Variants in CX3CR1 observed in about 807,000 individuals in gnomAD.
CX3CR1 encodes CX3C chemokine receptor 1.
For synonymous variants in CX3CR1, 168 were observed against 178.5 expected, an observed-to-expected ratio of 0.94 and a Z score of 0.47; for missense variants, 363 against 432.4, an observed-to-expected ratio of 0.84 and a Z score of 1.42.
At position 39,266,175 on chromosome 3, in the gene CX3CR1, C is replaced by G. The variant is rs201442030; in HGVS notation, c.335G>C (p.Gly112Ala). Residue 112 changes from glycine (G) to alanine (A), a missense_variant, in exon 2 of 2, where the codon GGC becomes GCC. Gly to Ala is a moderately conservative substitution (Grantham distance 60, BLOSUM62 0). Transcript: ENST00000399220. ...CKFTTAFFFI[G>A]FFGSIFFITV... ...GATGAAGAATATGCTTCCAAAAAAG[C>G]CGATGAAGAAGAAGGCGGTAGTGAA... 162 of 1,614,134 alleles carry G rather than the reference C, an allele frequency of 1.0e-4. No individual in the cohort carries two copies. In the East Asian group the frequency reaches 2.5e-3, roughly 25 times the overall value.
At chr3:39,280,533 G>A (rs2040883936), upstream of CX3CR1, 12 of 934,536 alleles carry the variant, frequency 1.3e-5, no homozygotes, top group Non-Finnish European at 1.5e-5. Flanking sequence ...GAAATTCTTA[G>A]AAGAGTGATA....
chr3:39,264,435 T>A lies in CX3CR1; in HGVS notation c.*1007A>T, dbSNP rs2040665544. ...TTGTCCCAAGCTACTGGAGTTGGGGTTGGAATCCATCCCTTCTTATTTGGG... is the reference window on the plus strand; with the variant it reads ...TTGTCCCAAGCTACTGGAGTTGGGGATGGAATCCATCCCTTCTTATTTGGG... On this transcript the variant is annotated 3_prime_UTR_variant, in exon 2 of 2. Coordinates refer to ENST00000399220, the MANE Select transcript of CX3CR1 (RefSeq NM_001337.4). The A allele has an allele frequency of 6.6e-6, 1 of 152,388 alleles. No homozygotes were observed. The highest frequency in any genetic ancestry group is 2.4e-5 in the African/African-American group (1 of 41,448). 9.4% of individuals were successfully genotyped at this position (152,388 alleles called of 1,614,324 possible). A position where few individuals can be genotyped will look rare whatever the true frequency, so the allele number is the denominator to read the frequency against.
upstream of CX3CR1, chr3:39,281,078 C>T: frequency 1.0e-6 from 1 of 992,590 alleles, no homozygotes; most frequent in Non-Finnish European, 1.2e-6. Context: ...ACAGCGGGTG[C>T]TCTGTGTGCT....
chr3:39,266,750 C>A, intron 1 of CX3CR1: 2 of 734,814 alleles, frequency 2.7e-6, no homozygotes, highest in Non-Finnish European at 5.0e-6. Flanking sequence ...TGCCCAAAGC[C>A]ATGCAGTAAA....
chr3:39,279,897 T>C, intron 1 of CX3CR1, 57 bp downstream of exon 1: 1 of 788,442 alleles, frequency 1.3e-6, no homozygotes, highest in South Asian at 5.7e-5. Flanking sequence ...TATTAACCTA[T>C]TAGCTGTCCA....
chr3:39,281,413 G>A (rs1019178502), upstream of CX3CR1: 6 of 710,518 alleles, frequency 8.4e-6, no homozygotes, highest in South Asian at 7.7e-5. Context: ...CTCCTCTTCT[G>A]AGGGCTCCTT....
At chr3:39,277,706 G>A (rs6796033) in intron 1 of CX3CR1, among the ~76,000 whole-genome samples, 83,847 of 152,018 alleles carry the variant, frequency 0.55, 23,641 homozygotes, top group East Asian at 0.82. Flanking sequence ...GGCCGGGCAG[G>A]CTTCCTCCTG....
At chr3:39,278,532 T>C (rs2040862698) in intron 1 of CX3CR1, among the ~76,000 whole-genome samples, 1 of 152,060 alleles carries the variant, frequency 6.6e-6, no homozygotes, top group Non-Finnish European at 1.5e-5. Context: ...TGGGATGCCC[T>C]GAGCAATGCA....
intron 1 of CX3CR1, 141 bp downstream of exon 1, chr3:39,279,813 C>T: frequency 5.1e-6 from 1 of 196,768 alleles, no homozygotes; most frequent in Non-Finnish European, 9.2e-6. Context: ...ACTCTTCCAT[C>T]CCCTTGGACA....
chr3:39,281,772 C>A, upstream of CX3CR1: 3 of 1,095,588 alleles, frequency 2.7e-6, no homozygotes, highest in South Asian at 2.7e-5. Flanking sequence ...ACTTCCACTT[C>A]CCCCAACATG....
upstream of CX3CR1, chr3:39,280,102 G>T: frequency 1.0e-6 from 1 of 973,132 alleles, no homozygotes. Context: ...TTCCTGTAAG[G>T]GAGACTATCT....
chr3:39,285,378 TA>T (rs2040936880), upstream of CX3CR1, among the ~76,000 whole-genome samples: 1 of 152,074 alleles, frequency 6.6e-6, no homozygotes, highest in African/African-American at 2.4e-5. Flanking sequence ...CTCCAACTCT[TA>T]AAAGAAAAGA....
upstream of CX3CR1, among the ~76,000 whole-genome samples, chr3:39,283,723 T>G (rs1213883520): frequency 7.0e-6 from 1 of 142,336 alleles, no homozygotes; most frequent in African/African-American, 2.6e-5. Context: ...GAGGTTGCAG[T>G]GAGCCGAGAT....
chr3:39,281,647 T>C (rs768475298), upstream of CX3CR1: 1 of 1,599,068 alleles, frequency 6.3e-7, no homozygotes, highest in Non-Finnish European at 8.5e-7. Context: ...AGAGAGCTCT[T>C]CCTGAAATCC....
Position 39,265,970 on chromosome 3 carries a change from G to A in CX3CR1, c.540C>T (p.Pro180=), listed in dbSNP as rs752076939. ...QKENECLGDY[P]EVLQEIWPVL... ...CGGGCCAGATTTCCTGGAGGACCTC[G>A]GGGTAGTCACCAAGGCATTCATTTT... is the stretch of plus-strand genomic sequence containing the variant. Residue 180 remains proline (P), a synonymous_variant, in exon 2 of 2, where the codon CCC becomes CCT. Coordinates refer to ENST00000399220, the MANE Select transcript of CX3CR1 (RefSeq NM_001337.4). 32 of 1,614,142 alleles carry A rather than the reference G, an allele frequency of 2.0e-5. No individual in the cohort carries two copies. The East Asian group carries it at 4.5e-4, about 22-fold the overall frequency.
chr3:39,266,079 T>C lies in CX3CR1; in HGVS notation c.431A>G (p.Gln144Arg). ...AANSMNNRTV[Q>R]HGVTISLGVW... Reference sequence around the variant, plus strand: ...GCCTAGGCTGATGGTGACGCCATGCTGCACGGTCCGGTTGTTCATGGAGTT... The same window carrying C: ...GCCTAGGCTGATGGTGACGCCATGCCGCACGGTCCGGTTGTTCATGGAGTT... The change falls in exon 2 of 2, where the codon CAG becomes CGG. Residue 144 changes from glutamine (Q) to arginine (R), a missense_variant. Gln to Arg is a conservative substitution (Grantham distance 43). Coordinates refer to ENST00000399220, the MANE Select transcript of CX3CR1 (RefSeq NM_001337.4). 6.2e-7 allele frequency: 1 copy of C among 1,614,222 alleles called. No individual in the cohort carries two copies. Among genetic ancestry groups the C allele is most frequent in the South Asian group, 1.1e-5 (1 of 91,086 alleles).
intron 1 of CX3CR1, among the ~76,000 whole-genome samples, chr3:39,278,888 C>T (rs956454347): frequency 5.9e-5 from 9 of 152,116 alleles, no homozygotes; most frequent in Admixed American, 2.6e-4. Context: ...ATGTTTTCCA[C>T]CCACACAAAC....
intron 1 of CX3CR1, among the ~76,000 whole-genome samples, chr3:39,275,192 T>C (rs2040825558): frequency 6.6e-6 from 1 of 152,162 alleles, no homozygotes; most frequent in Admixed American, 6.5e-5. Flanking sequence ...CTCCTCTCTT[T>C]GAACATGTGT....
chr3:39,283,154 G>A (rs2040918818), upstream of CX3CR1, among the ~76,000 whole-genome samples: 2 of 152,160 alleles, frequency 1.3e-5, no homozygotes, highest in African/African-American at 4.8e-5. Context: ...GCCTCCCAAA[G>A]TGCTGGGATT....
Sources: gnomAD v4.1 joint callset for allele counts (sites outside exome capture counted in the v4.1 genomes callset) on GRCh38, gnomAD v4.1.1 for gene constraint, MANE v1.5 for transcripts, NCBI Gene and HGNC (gene_info 2026-07-23, HGNC 2026-07-21) for gene names.